Variants in DPYD observed in about 807,000 individuals in gnomAD.
DPYD encodes the protein dihydropyrimidine dehydrogenase [NADP(+)].
In DPYD, 109 loss-of-function variants were observed where a neutral mutation model predicts 116.2. That is an observed-to-expected ratio of 0.94 (90% CI 0.80 to 1.10). The LOEUF (loss-of-function observed/expected upper bound fraction) is 1.10, where lower values mean the gene tolerates loss of function less well. Ranked by LOEUF, DPYD falls within the 50% of genes least tolerant of loss-of-function variation. The pLI is 0.00. For missense variants in DPYD, 1,302 were observed against 1,254.5 expected (o/e 1.04, Z -0.57); for synonymous variants, 440 against 432.0 (o/e 1.02, Z -0.23).
intron 14 of DPYD, among the ~76,000 whole-genome samples, chr1:97,441,512 T>A (rs867043644): frequency 1.8e-4 from 27 of 152,300 alleles, no homozygotes; most frequent in Middle Eastern, 3.4e-3. Context: ...CAGTTACCTT[T>A]CATCTTATTC....
At chr1:97,850,960 T>C in intron 2 of DPYD, among the ~76,000 whole-genome samples, 1 of 152,026 alleles carries the variant, frequency 6.6e-6, no homozygotes, top group Non-Finnish European at 1.5e-5. Context: ...AAATGAATTG[T>C]CCTCTGGTTT....
rs112579913 is a variant in DPYD at position 97,494,212 on chromosome 1, T to G, written c.1740+21514A>C. Among the ~76,000 whole-genome samples the G allele has an allele frequency of 2.8e-4, 43 of 152,324 alleles. 2 individuals carry two copies. Among genetic ancestry groups the G allele is most frequent in the African/African-American group, 1.0e-3 (42 of 41,566 alleles). On this transcript the variant is annotated intron_variant, in intron 13 of 22. Transcript: ENST00000370192. ...AAATGTTTTAATTTTTGTTTGTTTG[T>G]TTTAAAGATAAGGTCTTGCTGTTGC...
chr1:97,796,259 T>C (rs1667564127), intron 3 of DPYD, among the ~76,000 whole-genome samples: 1 of 152,112 alleles, frequency 6.6e-6, no homozygotes, highest in African/African-American at 2.4e-5. Flanking sequence ...ATGTAAGTAC[T>C]AAAAAGCTAA....
intron 2 of DPYD, among the ~76,000 whole-genome samples, chr1:97,854,025 T>G (rs1430372849): frequency 2.0e-5 from 3 of 152,206 alleles, no homozygotes. Context: ...CTCACACATT[T>G]GACTGCTGAT....
At chr1:97,569,955 T>G (rs975290742) in intron 11 of DPYD, among the ~76,000 whole-genome samples, 3 of 151,996 alleles carry the variant, frequency 2.0e-5, no homozygotes, top group Non-Finnish European at 4.4e-5. Flanking sequence ...TTATCCTTAG[T>G]GGCAACGAAA....
chr1:97,213,747 A>G (rs1660194937), intron 19 of DPYD, among the ~76,000 whole-genome samples: 1 of 152,178 alleles, frequency 6.6e-6, no homozygotes, highest in African/African-American at 2.4e-5. Context: ...TTGTTTGACC[A>G]TAAGGACCTT....
At chr1:97,445,034 A>T (rs914270299) in intron 14 of DPYD, among the ~76,000 whole-genome samples, 6 of 152,132 alleles carry the variant, frequency 3.9e-5, no homozygotes, top group Admixed American at 1.3e-4. Context: ...ACTTGAATAA[A>T]CTGTTCTCAG....
At chr1:97,196,180 G>T (rs1042458585) in intron 19 of DPYD, among the ~76,000 whole-genome samples, 1 of 152,024 alleles carries the variant, frequency 6.6e-6, no homozygotes, top group Non-Finnish European at 1.5e-5. Context: ...GCTCAGTGTA[G>T]CCTCAACCTC....
intron 20 of DPYD, among the ~76,000 whole-genome samples, chr1:97,192,235 C>A (rs369618313): frequency 1.3e-5 from 2 of 152,204 alleles, no homozygotes; most frequent in African/African-American, 4.8e-5. Flanking sequence ...TCATCCAAGG[C>A]AGAGTACCCA....
At chr1:97,887,492 A>C (rs1672561602) in intron 1 of DPYD, among the ~76,000 whole-genome samples, 1 of 146,654 alleles carries the variant, frequency 6.8e-6, no homozygotes, top group Non-Finnish European at 1.5e-5. Context: ...AAAAAAAAAA[A>C]AAAGTATATC....
intron 3 of DPYD, among the ~76,000 whole-genome samples, chr1:97,814,918 A>AGG: frequency 1.2e-5 from 1 of 85,606 alleles, no homozygotes; most frequent in African/African-American, 5.1e-5. Flanking sequence ...AAAAAAAAAA[A>AGG]AAAGAAAGAG....
In DPYD at chr1:97,198,685, C is replaced by A. The variant is rs1480139881; in HGVS notation, c.2443-5437G>T. 2.0e-5 allele frequency among the ~76,000 whole-genome samples: 3 copies of A among 152,274 alleles called. No individual in the cohort carries two copies. The East Asian group carries it at 5.8e-4, about 29-fold the overall frequency. ...GTTTGTTTAACAGCTCTGATTAGGACTCTTAATAGCTGTTAACATGTTTGC... is the reference window on the plus strand; with the variant it reads ...GTTTGTTTAACAGCTCTGATTAGGAATCTTAATAGCTGTTAACATGTTTGC... On this transcript the variant is annotated intron_variant, in intron 19 of 22. Coordinates refer to ENST00000370192, the MANE Select transcript of DPYD (RefSeq NM_000110.4).
At chr1:97,185,329 A>G (rs1037941194) in intron 20 of DPYD, among the ~76,000 whole-genome samples, 1 of 152,124 alleles carries the variant, frequency 6.6e-6, no homozygotes, top group East Asian at 1.9e-4. Flanking sequence ...AAGACTGAGA[A>G]TATCAAAAGG....
intron 10 of DPYD, 81 bp downstream of exon 10, chr1:97,593,137 C>T (rs1654636593): frequency 1.3e-6 from 2 of 1,502,048 alleles, no homozygotes; most frequent in Admixed American, 3.4e-5. Flanking sequence ...TTTCAACATT[C>T]TAGCGATTTA....
At chr1:97,179,562 T>C (rs1366490401) in intron 20 of DPYD, among the ~76,000 whole-genome samples, 1 of 152,128 alleles carries the variant, frequency 6.6e-6, no homozygotes, top group African/African-American at 2.4e-5. Context: ...GGCATGGTCT[T>C]GACAGTGAAA....
chr1:97,409,310 ATGTTCAATTAGATAATCCTGG>A (rs1210244691), intron 14 of DPYD, among the ~76,000 whole-genome samples: 1 of 152,144 alleles, frequency 6.6e-6, no homozygotes, highest in Non-Finnish European at 1.5e-5. Flanking sequence ...AGTTTAATGC[ATGTTCAATTAGATAATCCTGG>A]TGGGTACAAG....
At chr1:97,480,116 T>A (rs1386403113) in intron 13 of DPYD, among the ~76,000 whole-genome samples, 1 of 152,122 alleles carries the variant, frequency 6.6e-6, no homozygotes, top group Admixed American at 6.5e-5. Context: ...TGAAACTTTT[T>A]AAGAAAAATA....
intron 4 of DPYD, among the ~76,000 whole-genome samples, chr1:97,721,877 T>C (rs1236325088): frequency 6.6e-6 from 1 of 151,648 alleles, no homozygotes; most frequent in Admixed American, 6.6e-5. Context: ...ATGCACAGTA[T>C]GTTGATAAAT....
At chr1:97,721,714 T>C (rs1662935750) in intron 4 of DPYD, 43 bp from the exon 5 acceptor site, 5 of 1,575,966 alleles carry the variant, frequency 3.2e-6, no homozygotes, top group Non-Finnish European at 4.3e-6. Flanking sequence ...CTTAAAAATA[T>C]ACTTTAAACA....
Sources: allele counts gnomAD v4.1 joint callset (sites outside exome capture counted in the v4.1 genomes callset), GRCh38; gene constraint gnomAD v4.1.1; transcripts MANE v1.5; gene names NCBI Gene and HGNC (gene_info 2026-07-23, HGNC 2026-07-21).